Variants in RBFOX1 observed in about 807,000 individuals in gnomAD.
RBFOX1 encodes RNA binding protein fox-1 homolog 1.
A neutral mutation model predicts 57.7 loss-of-function variants in RBFOX1; 8 were observed. The observed-to-expected ratio is 0.14, with a 90% confidence interval of 0.08 to 0.25. The LOEUF is 0.25. Ranked by LOEUF, RBFOX1 falls within the 10% of genes least tolerant of loss-of-function variation. RBFOX1 has a pLI of 1.00. For missense variants in RBFOX1, 611 were observed against 548.5 expected (o/e 1.11, Z -1.14); for synonymous variants, 326 against 222.4 (o/e 1.47, Z -4.15).
intron 3 of RBFOX1, among the ~76,000 whole-genome samples, chr16:7,035,545 C>A (rs540448594): frequency 6.6e-6 from 1 of 152,100 alleles, no homozygotes; most frequent in East Asian, 1.9e-4. Context: ...TCTTTCTGAA[C>A]GCTACTTGTG....
intron 1 of RBFOX1, among the ~76,000 whole-genome samples, chr16:5,338,564 C>G (rs763689110): frequency 2.0e-4 from 31 of 152,158 alleles, no homozygotes; most frequent in Non-Finnish European, 3.8e-4. Flanking sequence ...TTTTTTATGA[C>G]TGAACAATAT....
At chr16:7,430,596 A>C (rs1447899703) in intron 4 of RBFOX1, among the ~76,000 whole-genome samples, 3 of 149,574 alleles carry the variant, frequency 2.0e-5, no homozygotes, top group African/African-American at 7.4e-5. Context: ...CAGGAGACAG[A>C]GGTTTCAGTG....
chr16:7,340,381 T>C (rs1457461644), intron 4 of RBFOX1, among the ~76,000 whole-genome samples: 1 of 152,234 alleles, frequency 6.6e-6, no homozygotes. Context: ...TAGGTAGTTT[T>C]ATTGCCTTCC....
chr16:7,087,937 A>G (rs1599119548), intron 4 of RBFOX1, among the ~76,000 whole-genome samples: 1 of 151,992 alleles, frequency 6.6e-6, no homozygotes, highest in African/African-American at 2.4e-5. Context: ...TGATTAATAA[A>G]TTGACTTTGG....
chr16:6,334,891 C>G (rs111920681), intron 2 of RBFOX1, among the ~76,000 whole-genome samples: 1 of 152,134 alleles, frequency 6.6e-6, no homozygotes, highest in Non-Finnish European at 1.5e-5. Context: ...GAGATATTTG[C>G]TTCTGGAGAC....
intron 3 of RBFOX1, among the ~76,000 whole-genome samples, chr16:5,696,779 T>C (rs2050858344): frequency 6.6e-6 from 1 of 152,220 alleles, no homozygotes; most frequent in African/African-American, 2.4e-5. Flanking sequence ...TTGAAGACTT[T>C]CTTCATGTCT....
chr16:7,005,677 C>T (rs760088552), intron 3 of RBFOX1, among the ~76,000 whole-genome samples: 7 of 152,148 alleles, frequency 4.6e-5, no homozygotes, highest in Non-Finnish European at 1.0e-4. Flanking sequence ...AGAATATCAG[C>T]ATCAGACAAG....
At chr16:6,911,014 A>T (rs2071434853) in intron 3 of RBFOX1, among the ~76,000 whole-genome samples, 1 of 152,088 alleles carries the variant, frequency 6.6e-6, no homozygotes, top group African/African-American at 2.4e-5. Flanking sequence ...AAGCCTGGTC[A>T]ACGTGGTGAA....
intron 2 of RBFOX1, among the ~76,000 whole-genome samples, chr16:6,461,321 G>A (rs1482065414): frequency 6.6e-6 from 1 of 152,098 alleles, no homozygotes; most frequent in Non-Finnish European, 1.5e-5. Context: ...TACCCTTATG[G>A]ATTCCTTTTA....
intron 1 of RBFOX1, among the ~76,000 whole-genome samples, chr16:6,280,007 G>A (rs967621351): frequency 6.6e-6 from 1 of 152,006 alleles, no homozygotes; most frequent in African/African-American, 2.4e-5. Context: ...CATTACAGAA[G>A]CCTATCCTAA....
At chr16:6,175,792 C>T (rs1365840611) in intron 1 of RBFOX1, among the ~76,000 whole-genome samples, 1 of 152,096 alleles carries the variant, frequency 6.6e-6, no homozygotes, top group Non-Finnish European at 1.5e-5. Flanking sequence ...CTTTCGGGAG[C>T]AGTCTCTTGG....
chr16:5,998,064 A>C (rs1170885371), intron 4 of RBFOX1, among the ~76,000 whole-genome samples: 1 of 152,188 alleles, frequency 6.6e-6, no homozygotes, highest in African/African-American at 2.4e-5. Context: ...CCTGTGTGAG[A>C]AGACATTTGA....
chr16:7,197,462 A>AC (rs2087013267), intron 4 of RBFOX1, among the ~76,000 whole-genome samples: 2 of 147,958 alleles, frequency 1.4e-5, no homozygotes, highest in African/African-American at 2.5e-5. Flanking sequence ...AAAAAAAAAA[A>AC]CATCAAGCTG....
In RBFOX1 at chr16:7,046,038, A is replaced by C. The variant is rs1038630927; in HGVS notation, c.-15-6019A>C. On this transcript the variant is annotated intron_variant, in intron 3 of 15. Coordinates refer to ENST00000550418, the MANE Select transcript of RBFOX1 (RefSeq NM_018723.4). Reference sequence around the variant, plus strand: ...TTTTAAAAACACTTGTATTTCTGCAAGGTACTGATATTAAAATACTTGCTG... The same window carrying C: ...TTTTAAAAACACTTGTATTTCTGCACGGTACTGATATTAAAATACTTGCTG... 3.9e-5 allele frequency among the ~76,000 whole-genome samples: 6 copies of C among 152,212 alleles called. No homozygotes were observed. In the South Asian group the frequency reaches 6.2e-4, roughly 16 times the overall value.
chr16:5,594,668 C>G (rs769797247), intron 2 of RBFOX1, among the ~76,000 whole-genome samples: 5 of 152,184 alleles, frequency 3.3e-5, no homozygotes, highest in Non-Finnish European at 7.4e-5. Flanking sequence ...CCAAAGGAGA[C>G]AGTCAGATAG....
intron 4 of RBFOX1, among the ~76,000 whole-genome samples, chr16:7,260,183 T>A (rs2094862046): frequency 6.6e-6 from 1 of 152,188 alleles, no homozygotes; most frequent in African/African-American, 2.4e-5. Context: ...GACTTTCATA[T>A]CATTATGGAA....
chr16:6,647,052 G>C (rs867827721), intron 2 of RBFOX1, among the ~76,000 whole-genome samples: 1 of 152,120 alleles, frequency 6.6e-6, no homozygotes, highest in Non-Finnish European at 1.5e-5. Flanking sequence ...CATAGTTCTT[G>C]TGTCTGGATA....
At chr16:6,017,865 G>A (rs978679116), upstream of RBFOX1, among the ~76,000 whole-genome samples, 1 of 152,144 alleles carries the variant, frequency 6.6e-6, no homozygotes, top group African/African-American at 2.4e-5. Flanking sequence ...GTTTTGGAAA[G>A]CTTACAGCAT....
At chr16:5,525,807 C>T (rs1016943607) in intron 2 of RBFOX1, among the ~76,000 whole-genome samples, 3 of 152,030 alleles carry the variant, frequency 2.0e-5, no homozygotes, top group African/African-American at 7.2e-5. Context: ...CTAGAGCCCA[C>T]AGTCTTAACA....
Sources: allele counts gnomAD v4.1 joint callset (sites outside exome capture counted in the v4.1 genomes callset), GRCh38; gene constraint gnomAD v4.1.1; transcripts MANE v1.5; gene names NCBI Gene and HGNC (gene_info 2026-07-23, HGNC 2026-07-21).